The following TMEM132D variants were observed in gnomAD, a reference collection of about 807,000 sequenced individuals.
The protein encoded by TMEM132D is transmembrane protein 132D, also known as mature OL transmembrane protein.
A neutral mutation model predicts 62.3 loss-of-function variants in TMEM132D; 21 were observed. The observed-to-expected ratio is 0.34, with a 90% CI of 0.24 to 0.49. The LOEUF is 0.49. Among genes scored for constraint, TMEM132D ranks in the 20% least tolerant of loss-of-function variants. TMEM132D has a pLI of 0.99. For synonymous variants in TMEM132D, 621 were observed against 575.6 expected, an observed-to-expected ratio of 1.08 and a Z score of -1.13; for missense variants, 1,346 against 1,402.8, an observed-to-expected ratio of 0.96 and a Z score of 0.65.
intron 3 of TMEM132D, among the ~76,000 whole-genome samples, chr12:129,339,484 T>C (rs1869399568): frequency 7.0e-6 from 1 of 142,292 alleles, no homozygotes; most frequent in South Asian, 2.3e-4. Flanking sequence ...CAAAACGCAC[T>C]CCCTCTTGGC....
intron 5 of TMEM132D, among the ~76,000 whole-genome samples, chr12:129,175,772 A>C (rs1272383840): frequency 6.6e-6 from 1 of 152,174 alleles, no homozygotes; most frequent in Non-Finnish European, 1.5e-5. Context: ...TACATAATTT[A>C]TTACTGATGC....
At position 129,373,448 on chromosome 12, in the gene TMEM132D, C is replaced by T. The variant is rs370326868; in HGVS notation, c.1116-35631G>A. Among the ~76,000 whole-genome samples the T allele has an allele frequency of 3.3e-5, 5 of 151,888 alleles. No individual in the cohort carries two copies. The South Asian group carries it at 1.0e-3, about 32-fold the overall frequency. On this transcript the variant is annotated intron_variant, in intron 3 of 8. Transcript: ENST00000422113. Reference sequence around the variant, plus strand: ...GAGATCAAGACCATCCTGGCTAACACAGTGAAACCCCGTCTCTACTAAAAA... The same window carrying T: ...GAGATCAAGACCATCCTGGCTAACATAGTGAAACCCCGTCTCTACTAAAAA...
chr12:129,613,985 G>T (rs192166941), intron 2 of TMEM132D, among the ~76,000 whole-genome samples: 2 of 151,748 alleles, frequency 1.3e-5, no homozygotes, highest in East Asian at 1.9e-4. Flanking sequence ...GAACCCGGGG[G>T]ACTGGCTGTA....
chr12:129,413,921 T>C (rs1377938384), intron 3 of TMEM132D, among the ~76,000 whole-genome samples: 1 of 152,240 alleles, frequency 6.6e-6, no homozygotes, highest in African/African-American at 2.4e-5. Context: ...TCATACTCAG[T>C]GTGTGCTCAC....
At chr12:129,328,960 T>C (rs1356688051) in intron 4 of TMEM132D, among the ~76,000 whole-genome samples, 3 of 149,608 alleles carry the variant, frequency 2.0e-5, no homozygotes, top group Non-Finnish European at 4.4e-5. Flanking sequence ...GGAAATTAAA[T>C]TCTTTATATA....
chr12:129,869,679 T>C (rs1189260963), intron 1 of TMEM132D, among the ~76,000 whole-genome samples: 1 of 152,220 alleles, frequency 6.6e-6, no homozygotes, highest in Admixed American at 6.5e-5. Flanking sequence ...TAAGGAGTCA[T>C]AAAAATCCTT....
At chr12:129,247,326 G>A (rs933829418) in intron 4 of TMEM132D, among the ~76,000 whole-genome samples, 16 of 152,124 alleles carry the variant, frequency 1.1e-4, no homozygotes, top group Admixed American at 3.9e-4. Context: ...GTCACGATCT[G>A]GTTCCAAAAT....
intron 1 of TMEM132D, among the ~76,000 whole-genome samples, chr12:129,747,524 ACATT>A (rs1277630437): frequency 6.7e-6 from 1 of 149,926 alleles, no homozygotes; most frequent in Admixed American, 6.7e-5. Context: ...ACACTCTCAC[ACATT>A]CAGACACACA....
Position 129,486,558 on chromosome 12 carries a change from A to T in TMEM132D, c.1115+44501T>A, listed in dbSNP as rs575179422. Among the ~76,000 whole-genome samples, 16 of 152,306 alleles carry T rather than the reference A, an allele frequency of 1.1e-4. No homozygotes were observed. In the South Asian group the frequency reaches 3.3e-3, roughly 32 times the overall value. On this transcript the variant is annotated intron_variant, in intron 3 of 8. Coordinates refer to ENST00000422113, the MANE Select transcript of TMEM132D (RefSeq NM_133448.3). ...CCAAGGTCCCAAGCTAATAAATAAG[A>T]TAATAATGATAGTAATAAAGCCTGA... is the stretch of plus-strand genomic sequence containing the variant.
intron 2 of TMEM132D, among the ~76,000 whole-genome samples, chr12:129,575,401 G>A (rs933178757): frequency 1.3e-5 from 2 of 151,676 alleles, no homozygotes; most frequent in Admixed American, 6.6e-5. Flanking sequence ...ATTGCCACTC[G>A]CTTGCATGCT....
chr12:129,531,554 G>GA (rs1876226844), intron 2 of TMEM132D, among the ~76,000 whole-genome samples: 1 of 152,066 alleles, frequency 6.6e-6, no homozygotes, highest in Non-Finnish European at 1.5e-5. Context: ...AAACTCAATA[G>GA]AAAAAGGCAA....
rs141096707 is a variant in TMEM132D, at chr12:129,360,820, C to A, written c.1116-23003G>T. On this transcript the variant is annotated intron_variant, in intron 3 of 8. Coordinates refer to ENST00000422113, the MANE Select transcript of TMEM132D (RefSeq NM_133448.3). Reference sequence around the variant, plus strand: ...CCTGACCCTTTTCCTGGACGTCTCCCACTGTGCAATGGCGGCTTTTTCCTG... The same window carrying A: ...CCTGACCCTTTTCCTGGACGTCTCCAACTGTGCAATGGCGGCTTTTTCCTG... 2.1e-3 allele frequency among the ~76,000 whole-genome samples: 322 copies of A among 152,300 alleles called. 2 individuals carry two copies. The highest frequency in any genetic ancestry group is 7.2e-3 in the African/African-American group (299 of 41,582).
intron 1 of TMEM132D, among the ~76,000 whole-genome samples, chr12:129,868,203 A>C (rs1415673474): frequency 1.3e-5 from 2 of 152,134 alleles, no homozygotes; most frequent in Non-Finnish European, 2.9e-5. Flanking sequence ...TGTATGGTAC[A>C]CACATGAGGC....
At chr12:129,516,297 T>G (rs1875672515) in intron 3 of TMEM132D, among the ~76,000 whole-genome samples, 1 of 152,384 alleles carries the variant, frequency 6.6e-6, no homozygotes, top group East Asian at 1.9e-4. Context: ...GATCCAGCTC[T>G]GAACCTGCCT....
At chr12:129,242,104 A>C (rs185572514) in intron 4 of TMEM132D, among the ~76,000 whole-genome samples, 1 of 152,338 alleles carries the variant, frequency 6.6e-6, no homozygotes, top group Admixed American at 6.5e-5. Flanking sequence ...GAGACACTAG[A>C]GTCCCTAAAC....
At chr12:129,849,226 C>T (rs1873455693) in intron 1 of TMEM132D, among the ~76,000 whole-genome samples, 1 of 152,134 alleles carries the variant, frequency 6.6e-6, no homozygotes, top group African/African-American at 2.4e-5. Context: ...TTTTCATTTC[C>T]CAAACCCAAG....
chr12:129,605,301 G>C (rs968045066), intron 2 of TMEM132D, among the ~76,000 whole-genome samples: 4 of 151,950 alleles, frequency 2.6e-5, no homozygotes, highest in Non-Finnish European at 4.4e-5. Flanking sequence ...TTGTAGATTG[G>C]CTCATTACTG....
chr12:129,566,720 G>T (rs1367544416), intron 2 of TMEM132D, among the ~76,000 whole-genome samples: 2 of 152,144 alleles, frequency 1.3e-5, no homozygotes, highest in African/African-American at 4.8e-5. Flanking sequence ...TGATTGAGGA[G>T]AGAATTAACT....
chr12:129,530,471 C>T (rs1876184481), intron 3 of TMEM132D, among the ~76,000 whole-genome samples: 1 of 152,128 alleles, frequency 6.6e-6, no homozygotes, highest in Admixed American at 6.5e-5. Flanking sequence ...CCTCCCTTTG[C>T]CCAGCTGTGA....
Sources: gnomAD v4.1 joint callset for allele counts (sites outside exome capture counted in the v4.1 genomes callset) on GRCh38, gnomAD v4.1.1 for gene constraint, MANE v1.5 for transcripts, NCBI Gene and HGNC (gene_info 2026-07-23, HGNC 2026-07-21) for gene names.